The following DGKG variants were observed in gnomAD, a reference collection of about 807,000 sequenced individuals.
DGKG encodes the protein DAG kinase gamma.
A neutral mutation model predicts 105.3 loss-of-function variants in DGKG; 78 were observed. The observed-to-expected ratio is 0.74, with a 90% CI of 0.62 to 0.89. The LOEUF (loss-of-function observed/expected upper bound fraction) is 0.89. Among genes scored for constraint, DGKG ranks in the 40% least tolerant of loss-of-function variants. The pLI is 0.00. For missense variants in DGKG, 958 were observed against 1,020.1 expected, an observed-to-expected ratio of 0.94 and a Z score of 0.83; for synonymous variants, 346 against 367.1, an observed-to-expected ratio of 0.94 and a Z score of 0.66.
intron 3 of DGKG, 146 bp downstream of exon 3, chr3:186,306,755 G>T (rs1052624351): frequency 9.6e-6 from 6 of 622,462 alleles, no homozygotes; most frequent in East Asian, 2.7e-5. Context: ...ATGCCAGGTA[G>T]CACAAATGGC....
rs1352673652 is a variant in DGKG at position 186,297,066 on chromosome 3, T to TCACACACACACA, written c.373+354_373+355insTGTGTGTGTGTG. Reference sequence around the variant, plus strand: ...CTCTCTCTGTCTGTCTGTCTGTCTCTCTCACACACACACACACACACACAC... The same window carrying TCACACACACACA: ...CTCTCTCTGTCTGTCTGTCTGTCTCTCACACACACACACTCACACACACACACACACACACAC... On this transcript the variant is annotated intron_variant, in intron 5 of 24. Coordinates refer to ENST00000265022, the MANE Select transcript of DGKG (RefSeq NM_001346.3). Among the ~76,000 whole-genome samples the TCACACACACACA allele has an allele frequency of 6.6e-3, 822 of 123,618 alleles. 5 individuals carry two copies. The highest frequency in any genetic ancestry group is 0.014 in the Admixed American group (176 of 12,370). The allele number at this position is 123,618 out of a possible 152,430, so 81.1% of individuals were successfully genotyped here. A position where few individuals can be genotyped will look rare whatever the true frequency, so the allele number is the denominator to read the frequency against.
At chr3:186,306,648 T>C in intron 3 of DGKG, 1 of 419,738 alleles carries the variant, frequency 2.4e-6, no homozygotes, top group East Asian at 4.0e-5. Context: ...AGTTGTTAAC[T>C]GAGGATGAGG....
At chr3:186,270,085 A>T (rs1484630980) in intron 11 of DGKG, among the ~76,000 whole-genome samples, 1 of 152,144 alleles carries the variant, frequency 6.6e-6, no homozygotes, top group Non-Finnish European at 1.5e-5. Flanking sequence ...TTAAAAACCC[A>T]GGAAATATCT....
intron 22 of DGKG, among the ~76,000 whole-genome samples, chr3:186,179,764 G>C (rs1385264182): frequency 6.6e-6 from 1 of 152,236 alleles, no homozygotes; most frequent in African/African-American, 2.4e-5. Flanking sequence ...TTCTGATGTA[G>C]AGTCAGTTGG....
intron 21 of DGKG, among the ~76,000 whole-genome samples, chr3:186,209,088 C>CTTTTT (rs1560096022): frequency 2.4e-5 from 3 of 124,888 alleles, no homozygotes; most frequent in African/African-American, 1.0e-4. Flanking sequence ...CTTCAGTTTA[C>CTTTTT]TCTTCTTTTT....
At chr3:186,184,118 C>CT (rs11338070) in intron 22 of DGKG, among the ~76,000 whole-genome samples, 1,771 of 144,904 alleles carry the variant, frequency 0.012, 42 homozygotes, top group African/African-American at 0.039. Flanking sequence ...GGCGTAGGGA[C>CT]TTTTTTTTTT....
chr3:186,329,960 C>G (rs1180989225), intron 1 of DGKG, among the ~76,000 whole-genome samples: 1 of 152,188 alleles, frequency 6.6e-6, no homozygotes, highest in Non-Finnish European at 1.5e-5. Flanking sequence ...CCTCTAGCTA[C>G]TACAAGATTT....
chr3:186,156,372 C>T (rs548934332), intron 24 of DGKG, among the ~76,000 whole-genome samples: 1 of 152,158 alleles, frequency 6.6e-6, no homozygotes, highest in South Asian at 2.1e-4. Flanking sequence ...CAGTTCATGC[C>T]TACCTAATTA....
At chr3:186,160,739 A>G (rs531784389) in intron 24 of DGKG, 2 of 985,444 alleles carry the variant, frequency 2.0e-6, no homozygotes, top group African/African-American at 1.7e-5. Context: ...TGAGGGTATT[A>G]CGCATGTAGT....
chr3:186,269,060 G>T, intron 11 of DGKG, 143 bp from the exon 12 acceptor site: 1 of 632,572 alleles, frequency 1.6e-6, no homozygotes, highest in Non-Finnish European at 2.8e-6. Flanking sequence ...TTGGATGTTG[G>T]GTGGCTTGCC....
At chr3:186,163,198 T>A (rs1320695327) in intron 23 of DGKG, among the ~76,000 whole-genome samples, 1 of 151,770 alleles carries the variant, frequency 6.6e-6, no homozygotes, top group East Asian at 1.9e-4. Context: ...TAGAAGGGGG[T>A]CTTGCTATGT....
chr3:186,341,358 G>A (rs1186669082), intron 1 of DGKG, among the ~76,000 whole-genome samples: 1 of 152,188 alleles, frequency 6.6e-6, no homozygotes, highest in Non-Finnish European at 1.5e-5. Flanking sequence ...TCAAAGAGCT[G>A]GGATAGAGCC....
At chr3:186,265,654 T>G (rs75332389) in intron 13 of DGKG, among the ~76,000 whole-genome samples, 2 of 131,156 alleles carry the variant, frequency 1.5e-5, no homozygotes, top group Admixed American at 9.1e-5. Flanking sequence ...CTTTTCTTCC[T>G]TTCTTTTTTT....
chr3:186,336,251 C>T (rs778971603), intron 1 of DGKG, among the ~76,000 whole-genome samples: 1 of 152,164 alleles, frequency 6.6e-6, no homozygotes, highest in African/African-American at 2.4e-5. Flanking sequence ...TGATCCCAAG[C>T]GTACTCCCTA....
At chr3:186,340,989 A>T (rs1726060069) in intron 1 of DGKG, among the ~76,000 whole-genome samples, 1 of 152,164 alleles carries the variant, frequency 6.6e-6, no homozygotes. Context: ...TCTGCACATG[A>T]GACTACCGAA....
At chr3:186,234,108 G>T (rs927768509) in intron 20 of DGKG, among the ~76,000 whole-genome samples, 1 of 152,206 alleles carries the variant, frequency 6.6e-6, no homozygotes, top group African/African-American at 2.4e-5. Context: ...CCTATTTGGG[G>T]CTTAACCCAG....
chr3:186,185,782 T>G (rs1717597600), intron 22 of DGKG, among the ~76,000 whole-genome samples: 1 of 151,960 alleles, frequency 6.6e-6, no homozygotes, highest in Admixed American at 6.6e-5. Context: ...AAGTTTACTG[T>G]GTGAAATAAA....
At chr3:186,330,159 C>T (rs11926440) in intron 1 of DGKG, among the ~76,000 whole-genome samples, 9,754 of 152,226 alleles carry the variant, frequency 0.064, 1,001 homozygotes, top group African/African-American at 0.22. Context: ...GTATCACTTA[C>T]AAGTCACTTA....
At chr3:186,224,268 C>T (rs896755659) in intron 20 of DGKG, among the ~76,000 whole-genome samples, 7 of 152,180 alleles carry the variant, frequency 4.6e-5, no homozygotes, top group African/African-American at 1.7e-4. Context: ...GAAGAACAGT[C>T]GTTCTCAGAT....
Sources: allele counts gnomAD v4.1 joint callset (sites outside exome capture counted in the v4.1 genomes callset), GRCh38; gene constraint gnomAD v4.1.1; transcripts MANE v1.5; gene names NCBI Gene and HGNC (gene_info 2026-07-23, HGNC 2026-07-21).